Variants in PRKCH observed in about 807,000 individuals in gnomAD.
The protein encoded by PRKCH is protein kinase C eta type.
A neutral mutation model predicts 82.5 loss-of-function variants in PRKCH; 28 were observed. That is an observed-to-expected ratio of 0.34 (90% CI 0.25 to 0.47). The LOEUF is 0.47. Ranked by LOEUF, PRKCH falls within the 20% of genes least tolerant of loss-of-function variation. The pLI, the probability that PRKCH is intolerant of heterozygous loss-of-function variation, is 1.00. For missense variants in PRKCH, 705 were observed against 881.8 expected (o/e 0.80, Z 2.54); for synonymous variants, 322 against 327.4 (o/e 0.98, Z 0.18).
chr14:61,513,948 A>G (rs2042784462), intron 10 of PRKCH, among the ~76,000 whole-genome samples: 1 of 152,088 alleles, frequency 6.6e-6, no homozygotes, highest in Non-Finnish European at 1.5e-5. Flanking sequence ...AGATGAGGAA[A>G]CTGAGGCCCA....
chr14:61,439,549 A>G (rs1361686365), intron 2 of PRKCH, among the ~76,000 whole-genome samples: 1 of 152,208 alleles, frequency 6.6e-6, no homozygotes, highest in Non-Finnish European at 1.5e-5. Context: ...TGCCTGGGGC[A>G]GAAGTGAAAG....
rs141261652 is a variant in PRKCH at position 61,198,351 on chromosome 14, G to T, written c.-19+10683G>T. 1.1e-3 allele frequency among the ~76,000 whole-genome samples: 169 copies of T among 152,140 alleles called. 1 individual carries two copies. Among genetic ancestry groups the T allele is most frequent in the African/African-American group, 3.6e-3 (150 of 41,480 alleles). Reference sequence around the variant, plus strand: ...TACTGGAAGCTCCCCAAACATGACCGGTTCTTCCATCCTCCATGCCTTATG... The same window carrying T: ...TACTGGAAGCTCCCCAAACATGACCTGTTCTTCCATCCTCCATGCCTTATG... On this transcript the variant is annotated intron_variant, in intron 1 of 3. Coordinates refer to the PRKCH transcript ENST00000555185.
intron 1 of PRKCH, among the ~76,000 whole-genome samples, chr14:61,205,121 T>C (rs989193027): frequency 6.6e-6 from 1 of 152,198 alleles, no homozygotes; most frequent in Non-Finnish European, 1.5e-5. Flanking sequence ...TCACCAACAT[T>C]GGAGCAACAG....
At chr14:61,317,225 C>A (rs1191945423), upstream of PRKCH, among the ~76,000 whole-genome samples, 1 of 152,168 alleles carries the variant, frequency 6.6e-6, no homozygotes, top group African/African-American at 2.4e-5. Context: ...CCATTCTAAA[C>A]AAGCCCTTCT....
chr14:61,409,950 A>C (rs1461979116), intron 2 of PRKCH, among the ~76,000 whole-genome samples: 1 of 152,126 alleles, frequency 6.6e-6, no homozygotes, highest in Admixed American at 6.6e-5. Context: ...GACCTGATCA[A>C]ATGTTGCCTG....
At chr14:61,424,318 G>T (rs1379537041) in intron 2 of PRKCH, among the ~76,000 whole-genome samples, 3 of 152,206 alleles carry the variant, frequency 2.0e-5, no homozygotes, top group African/African-American at 7.2e-5. Flanking sequence ...GGTTGGAACA[G>T]TTTGGAGGGC....
At chr14:61,196,684 A>G (rs2140035821) in intron 1 of PRKCH, among the ~76,000 whole-genome samples, 1 of 152,350 alleles carries the variant, frequency 6.6e-6, no homozygotes, top group South Asian at 2.1e-4. Context: ...GTCAGGACAT[A>G]ACTGGAGAAT....
chr14:61,292,668 G>A (rs2140099360), intron 1 of PRKCH, among the ~76,000 whole-genome samples: 1 of 151,914 alleles, frequency 6.6e-6, no homozygotes, highest in South Asian at 2.1e-4. Context: ...CTACTCAGGA[G>A]GCTGAGGCAG....
At chr14:61,224,812 C>A (rs183305917) in intron 1 of PRKCH, among the ~76,000 whole-genome samples, 2 of 152,132 alleles carry the variant, frequency 1.3e-5, no homozygotes, top group Non-Finnish European at 2.9e-5. Context: ...TCTTTGGAAG[C>A]AAGTTTCTGA....
intron 2 of PRKCH, among the ~76,000 whole-genome samples, chr14:61,392,860 A>C (rs2046706609): frequency 6.6e-6 from 1 of 150,792 alleles, no homozygotes; most frequent in Non-Finnish European, 1.5e-5. Flanking sequence ...TTTTTTTAAG[A>C]AGCAAATAGT....
chr14:61,413,183 C>G (rs1882359532), intron 2 of PRKCH, among the ~76,000 whole-genome samples: 1 of 152,188 alleles, frequency 6.6e-6, no homozygotes, highest in Non-Finnish European at 1.5e-5. Context: ...CTGCTTCGCT[C>G]TTGCCCAGAC....
intron 1 of PRKCH, among the ~76,000 whole-genome samples, chr14:61,387,341 G>A (rs1033856668): frequency 3.9e-5 from 6 of 152,194 alleles, no homozygotes; most frequent in Admixed American, 3.3e-4. Context: ...CTGGAGTTAG[G>A]GGCAGAATCC....
At chr14:61,423,583 G>A (rs1188378678) in intron 2 of PRKCH, among the ~76,000 whole-genome samples, 1 of 152,176 alleles carries the variant, frequency 6.6e-6, no homozygotes, top group Non-Finnish European at 1.5e-5. Flanking sequence ...TTCCAAGTGG[G>A]AGGAGTGACA....
chr14:61,451,115 C>T, intron 6 of PRKCH, 144 bp downstream of exon 6: 2 of 1,138,220 alleles, frequency 1.8e-6, no homozygotes, highest in Admixed American at 3.2e-5. Flanking sequence ...TTTAAACTTA[C>T]ATGTTTCTTG....
intron 9 of PRKCH, among the ~76,000 whole-genome samples, chr14:61,474,288 T>A (rs1483662395): frequency 1.3e-5 from 2 of 152,202 alleles, no homozygotes; most frequent in Non-Finnish European, 2.9e-5. Flanking sequence ...AAGCTTGCCT[T>A]CAAAGTTAAC....
At chr14:61,267,173 A>T (rs956272782) in intron 1 of PRKCH, among the ~76,000 whole-genome samples, 1 of 152,220 alleles carries the variant, frequency 6.6e-6, no homozygotes, top group Non-Finnish European at 1.5e-5. Context: ...ATGAAAGCAG[A>T]TATTGGCTCT....
chr14:61,386,758 G>C (rs1297891734), intron 1 of PRKCH, among the ~76,000 whole-genome samples: 1 of 152,222 alleles, frequency 6.6e-6, no homozygotes, highest in Non-Finnish European at 1.5e-5. Context: ...TGGGAGGCAG[G>C]GAGGCAGACG....
chr14:61,284,066 G>A (rs902503043), intron 1 of PRKCH, among the ~76,000 whole-genome samples: 1 of 152,192 alleles, frequency 6.6e-6, no homozygotes, highest in African/African-American at 2.4e-5. Context: ...TAGTGCAAAG[G>A]CAGGAGCAGG....
At chr14:61,227,486 C>T (rs928419873) in intron 1 of PRKCH, among the ~76,000 whole-genome samples, 6 of 151,982 alleles carry the variant, frequency 3.9e-5, no homozygotes, top group East Asian at 3.9e-4. Flanking sequence ...CCCAGCGACT[C>T]GGGAGGCTGA....
Sources: gnomAD v4.1 joint callset for allele counts (sites outside exome capture counted in the v4.1 genomes callset) on GRCh38, gnomAD v4.1.1 for gene constraint, MANE v1.5 for transcripts, NCBI Gene and HGNC (gene_info 2026-07-23, HGNC 2026-07-21) for gene names.